VAPA: variants seen among roughly 807,000 people sequenced by gnomAD.
VAPA encodes vesicle-associated membrane protein-associated protein A.
Under a neutral mutation model 25.6 loss-of-function variants are expected in VAPA, and 6 were observed. The ratio of observed to expected loss-of-function variants is 0.23; its 90% CI spans 0.13 to 0.46. The LOEUF (loss-of-function observed/expected upper bound fraction) is 0.46. Ranked by LOEUF, VAPA falls within the 20% of genes least tolerant of loss-of-function variation. The pLI is 0.99. For synonymous variants in VAPA, 112 were observed against 106.2 expected (o/e 1.05, Z -0.34); for missense variants, 244 against 302.1 (o/e 0.81, Z 1.43).
chr18:9,942,455 C>T (rs1364473474), intron 4 of VAPA, among the ~76,000 whole-genome samples: 1 of 149,358 alleles, frequency 6.7e-6, no homozygotes, highest in African/African-American at 2.5e-5. Flanking sequence ...TTTAACCCCA[C>T]TCCCTCACTT....
At chr18:9,948,121 A>G (rs1308980038) in intron 4 of VAPA, 1 of 152,166 alleles carries the variant, frequency 6.6e-6, no homozygotes, top group African/African-American at 2.4e-5. Context: ...TTTTTGTTAC[A>G]AAAGCAGTAT....
At chr18:9,917,308 A>G (rs757138239) in intron 1 of VAPA, among the ~76,000 whole-genome samples, 1 of 151,932 alleles carries the variant, frequency 6.6e-6, no homozygotes, top group African/African-American at 2.4e-5. Context: ...GTTTTTTTAA[A>G]TTTTTTTATT....
Position 9,954,448 on chromosome 18 carries a change from A to G in VAPA, c.*237A>G, listed in dbSNP as rs1354338747. 2.4e-6 allele frequency: 1 copy of G among 413,038 alleles called. No homozygotes were observed. Among genetic ancestry groups the G allele is most frequent in the African/African-American group, 2.1e-5 (1 of 48,566 alleles). 25.6% of individuals were successfully genotyped at this position (413,038 alleles called of 1,614,324 possible). ...ATCATCACTAGCAGATGTCAGTTGCACATTGAGTCCTTTATGAAATTCATA... is the reference window on the plus strand; with the variant it reads ...ATCATCACTAGCAGATGTCAGTTGCGCATTGAGTCCTTTATGAAATTCATA... On this transcript the variant is annotated 3_prime_UTR_variant, in exon 6 of 6. Coordinates refer to ENST00000400000, the MANE Select transcript of VAPA (RefSeq NM_194434.3).
At chr18:9,920,490 A>G (rs931459094) in intron 1 of VAPA, among the ~76,000 whole-genome samples, 1 of 152,026 alleles carries the variant, frequency 6.6e-6, no homozygotes, top group East Asian at 1.9e-4. Flanking sequence ...TTTAGTAGAG[A>G]CGGGGTTTTG....
intron 4 of VAPA, chr18:9,949,755 C>CT (rs140636540): frequency 0.023 from 3,568 of 152,364 alleles, 54 homozygotes; most frequent in Middle Eastern, 0.071. Context: ...ATCTCCAGGC[C>CT]TTCACTAGCT....
At chr18:9,936,959 C>G (rs1254955310) in intron 3 of VAPA, 27 bp from the exon 4 acceptor site, 1 of 1,596,500 alleles carries the variant, frequency 6.3e-7, no homozygotes, top group South Asian at 1.1e-5. Flanking sequence ...CCTCCTATGT[C>G]TCATGTTTGG....
chr18:9,917,235 T>A (rs2143273810), intron 1 of VAPA, among the ~76,000 whole-genome samples: 1 of 152,346 alleles, frequency 6.6e-6, no homozygotes, highest in African/African-American at 2.4e-5. Flanking sequence ...GTCTTTAAAA[T>A]TTTTTACATG....
chr18:9,927,351 C>T (rs1015717698), intron 1 of VAPA, among the ~76,000 whole-genome samples: 4 of 152,232 alleles, frequency 2.6e-5, no homozygotes, highest in South Asian at 2.1e-4. Context: ...CTGTTCCCCT[C>T]CTCCACAATT....
At chr18:9,928,438 G>A (rs1276690035) in intron 1 of VAPA, among the ~76,000 whole-genome samples, 1 of 152,106 alleles carries the variant, frequency 6.6e-6, no homozygotes, top group Admixed American at 6.6e-5. Context: ...CCCTCTCCCA[G>A]TTACTTCCAC....
intron 1 of VAPA, among the ~76,000 whole-genome samples, chr18:9,920,406 G>A (rs535710182): frequency 1.8e-4 from 28 of 152,160 alleles, no homozygotes; most frequent in Admixed American, 5.2e-4. Flanking sequence ...GAGTTCAAGC[G>A]ATGCTCCTGC....
chr18:9,937,136 A>AT, intron 4 of VAPA, 70 bp downstream of exon 4: 1 of 1,300,630 alleles, frequency 7.7e-7, no homozygotes, highest in Non-Finnish European at 1.1e-6. Flanking sequence ...TTTTGCTTTT[A>AT]TTTTTGACCT....
At chr18:9,941,341 T>C (rs1031110706) in intron 4 of VAPA, among the ~76,000 whole-genome samples, 3 of 152,202 alleles carry the variant, frequency 2.0e-5, no homozygotes, top group African/African-American at 7.2e-5. Context: ...TATGTGACTT[T>C]CAAGTTAATC....
rs869151923 is a variant in VAPA, at chr18:9,959,721, C to CAAAA, written c.*5533_*5536dup. The stretch of plus-strand genomic sequence containing the variant: ...AGAGAGTGAGTTACTGACATTGTTC[C>CAAAA]AAAAAAAAAAAAAAAAAAAAAAAAA... On this transcript the variant is annotated 3_prime_UTR_variant, in exon 6 of 6. Coordinates refer to ENST00000400000, the MANE Select transcript of VAPA (RefSeq NM_194434.3). 1.3e-3 allele frequency: 122 copies of CAAAA among 93,444 alleles called. 3 individuals carry two copies. Among genetic ancestry groups the CAAAA allele is most frequent in the African/African-American group, 4.6e-3 (105 of 22,780 alleles). 5.8% of individuals were successfully genotyped at this position (93,444 alleles called of 1,614,324 possible).
intron 1 of VAPA, among the ~76,000 whole-genome samples, chr18:9,916,878 G>C (rs2069115977): frequency 6.6e-6 from 1 of 152,184 alleles, no homozygotes; most frequent in Admixed American, 6.5e-5. Flanking sequence ...GGTTTCTCCA[G>C]GAGTGACTCA....
chr18:9,943,620 AT>A (rs1178527696), intron 4 of VAPA, among the ~76,000 whole-genome samples: 4 of 152,062 alleles, frequency 2.6e-5, no homozygotes, highest in Non-Finnish European at 5.9e-5. Context: ...CTCTGTTTGG[AT>A]TGTCAGCTCT....
intron 3 of VAPA, 126 bp downstream of exon 3, chr18:9,936,339 ATTTC>A (rs2069309974): frequency 3.9e-6 from 2 of 519,412 alleles, no homozygotes; most frequent in African/African-American, 2.0e-5. Flanking sequence ...AAAACTGCCA[ATTTC>A]TTCATTATAG....
chr18:9,926,862 C>G (rs1567893487), intron 1 of VAPA, among the ~76,000 whole-genome samples: 1 of 152,068 alleles, frequency 6.6e-6, no homozygotes, highest in African/African-American at 2.4e-5. Context: ...GTAAAAACCC[C>G]CAGGACTACT....
chr18:9,943,166 C>T (rs1218473153), intron 4 of VAPA, among the ~76,000 whole-genome samples: 1 of 152,160 alleles, frequency 6.6e-6, no homozygotes, highest in Non-Finnish European at 1.5e-5. Flanking sequence ...TTTAGAAGCA[C>T]AGTGGCTTGA....
At chr18:9,921,053 A>G (rs1407798264) in intron 1 of VAPA, among the ~76,000 whole-genome samples, 2 of 152,220 alleles carry the variant, frequency 1.3e-5, no homozygotes, top group Admixed American at 6.5e-5. Context: ...CCCAAACTAT[A>G]CTATGAACTC....
Sources: allele counts gnomAD v4.1 joint callset (sites outside exome capture counted in the v4.1 genomes callset), GRCh38; gene constraint gnomAD v4.1.1; transcripts MANE v1.5; gene names NCBI Gene and HGNC (gene_info 2026-07-23, HGNC 2026-07-21).